WNT10B: variants seen among roughly 807,000 people sequenced by gnomAD.
The protein encoded by WNT10B is protein Wnt-10b.
In WNT10B, 26 loss-of-function variants were observed where a neutral mutation model predicts 32.7. That is an observed-to-expected ratio of 0.79 (90% CI 0.58 to 1.10). WNT10B has a LOEUF of 1.10. Among genes scored for constraint, WNT10B ranks in the 50% least tolerant of loss-of-function variants. The pLI, the probability that WNT10B is intolerant of heterozygous loss-of-function variation, is 0.00. For synonymous variants in WNT10B, 204 were observed against 220.4 expected, an observed-to-expected ratio of 0.93 and a Z score of 0.66; for missense variants, 474 against 532.5, an observed-to-expected ratio of 0.89 and a Z score of 1.08.
At chr12:48,967,761 G>A (rs936464469) in intron 4 of WNT10B, among the ~76,000 whole-genome samples, 185 bp downstream of exon 4, 9 of 152,158 alleles carry the variant, frequency 5.9e-5, no homozygotes, top group African/African-American at 2.2e-4. Flanking sequence ...TGCTAGCTCA[G>A]TCTTAATAAC....
Position 48,968,158 on chromosome 12 carries a change from G to A in WNT10B, c.499C>T (p.Leu167=). The A allele has an allele frequency of 6.2e-7, 1 of 1,614,228 alleles. No homozygotes were observed. Among genetic ancestry groups the A allele is most frequent in the Non-Finnish European group, 8.5e-7 (1 of 1,180,048 alleles). Residue 167 remains leucine, a synonymous_variant, in exon 4 of 5, where the codon CTG becomes TTG. Transcript: ENST00000301061. ...TGGGGGAAACTCTTGCCTCGGGACA[G>A]TGCCTGCAGCTGCAGCAGTTTGGCC... The part of the protein sequence containing the change: ...LRAKLLQLQA[L]SRGKSFPHSL...
intron 4 of WNT10B, among the ~76,000 whole-genome samples, chr12:48,966,894 C>A (rs970558601): frequency 1.3e-5 from 2 of 152,194 alleles, no homozygotes; most frequent in South Asian, 2.1e-4. Flanking sequence ...TGCCTAAATT[C>A]TGTAGGGAAG....
chr12:48,966,485 T>A lies in WNT10B; in HGVS notation c.780A>T (p.Thr260=). ...GGAACTCTGGGGCCGCCCTCCAGCA[T>A]GTCTTGAACTGGCAGCTGCCTGATG... The part of the protein sequence containing the change: ...HGTSGSCQFK[T]CWRAAPEFRA... Residue 260 remains threonine, a synonymous_variant, in exon 5 of 5, where the codon ACA becomes ACT. Transcript: ENST00000301061. 1 of 1,614,034 alleles carries A rather than the reference T, an allele frequency of 6.2e-7. No individual in the cohort carries two copies. Among genetic ancestry groups the A allele is most frequent in the Non-Finnish European group, 8.5e-7 (1 of 1,180,024 alleles).
At position 48,970,064 on chromosome 12, in the gene WNT10B, C is replaced by G. The variant is rs1940819232; in HGVS notation, c.337+25G>C. Reference sequence around the variant, plus strand: ...GCCCACCCCCTAGCCTCCGCGGCAGCGCCGACCCGCCCAGCCAGGCTCACC... The same window carrying G: ...GCCCACCCCCTAGCCTCCGCGGCAGGGCCGACCCGCCCAGCCAGGCTCACC... On this transcript the variant is annotated intron_variant, in intron 3 of 4. Coordinates refer to ENST00000301061, the MANE Select transcript of WNT10B (RefSeq NM_003394.4). The surrounding 1 kb of genome is among the most constrained non-coding windows in gnomAD (Gnocchi z 5.0). 6.7e-7 allele frequency: 1 copy of G among 1,488,008 alleles called. No individual in the cohort carries two copies. Among genetic ancestry groups the G allele is most frequent in the African/African-American group, 1.4e-5 (1 of 70,812 alleles). 92.2% of individuals were successfully genotyped at this position (1,488,008 alleles called of 1,614,324 possible).
chr12:48,966,619 G>C (rs1940739795), intron 4 of WNT10B, 66 bp from the exon 5 acceptor site: 1 of 1,567,870 alleles, frequency 6.4e-7, no homozygotes, highest in Admixed American at 1.7e-5. Flanking sequence ...AGAGGCACAG[G>C]AGAGGGAAGG....
chr12:48,966,629 G>C (rs1243888804), intron 4 of WNT10B, 76 bp from the exon 5 acceptor site: 2 of 1,540,838 alleles, frequency 1.3e-6, no homozygotes, highest in East Asian at 4.5e-5. Context: ...GAGAGGGAAG[G>C]GAACAGAGAA....
In WNT10B at chr12:48,968,078, T is replaced by C. The variant is rs1940773456; in HGVS notation, c.579A>G (p.Thr193=). 6 of 1,614,244 alleles carry C rather than the reference T, an allele frequency of 3.7e-6. No individual in the cohort carries two copies. The East Asian group carries it at 6.7e-5, about 18-fold the overall frequency. Residue 193 remains threonine, a synonymous_variant, in exon 4 of 5, where the codon ACA becomes ACG. Coordinates refer to ENST00000301061, the MANE Select transcript of WNT10B (RefSeq NM_003394.4). Reference sequence around the variant, plus strand: ...CATGGTTACAGCCACCCCATTCCCATGTGTCCTGGGGGCCAGGGCTGGGGC... The same window carrying C: ...CATGGTTACAGCCACCCCATTCCCACGTGTCCTGGGGGCCAGGGCTGGGGC... ...GSSPSPGPQD[T]WEWGGCNHDM...
chr12:48,969,340 C>T (rs1205589820), intron 3 of WNT10B, among the ~76,000 whole-genome samples: 1 of 152,218 alleles, frequency 6.6e-6, no homozygotes, highest in African/African-American at 2.4e-5. Context: ...GGGAATTCCC[C>T]TGCAGATGGC....
Position 48,968,113 on chromosome 12 carries a change from G to A in WNT10B, c.544C>T (p.Pro182Ser), listed in dbSNP as rs1940775709. 1 of 1,614,048 alleles carries A rather than the reference G, an allele frequency of 6.2e-7. No homozygotes were observed. The highest frequency in any genetic ancestry group is 1.1e-5 in the South Asian group (1 of 91,094). ...GGGCCAGGGCTGGGGCTTGAGCCAG[G>A]GCCAGGGCTGGGCAGAGAGTGGGGG... ...SFPHSLPSPG[P>S]GSSPSPGPQD... Residue 182 changes from proline to serine, a missense_variant, in exon 4 of 5, where the codon CCT (proline) becomes TCT (serine). Pro to Ser is a moderately conservative substitution (Grantham distance 74). Transcript: ENST00000301061.
At chr12:48,966,628 G>A in intron 4 of WNT10B, 75 bp from the exon 5 acceptor site, 1 of 1,544,696 alleles carries the variant, frequency 6.5e-7, no homozygotes, top group Non-Finnish European at 8.8e-7. Context: ...GGAGAGGGAA[G>A]GGAACAGAGA....
At position 48,967,999 on chromosome 12, in the gene WNT10B, G is replaced by A; in HGVS notation, c.658C>T (p.Pro220Ser). Reference protein sequence around the residue: ...SRDFLDSREAPRDIQARMRIH... With the variant: ...SRDFLDSREASRDIQARMRIH... ...CGCATTCGTGCCTGGATGTCCCGGG[G>A]AGCTTCCCTGGAATCCAAGAAATCC... is the stretch of plus-strand genomic sequence containing the variant. Residue 220 changes from proline (P) to serine (S), a missense_variant, in exon 4 of 5, where the codon CCC (proline) becomes TCC (serine). By Grantham distance (74) the Pro-to-Ser change is moderately conservative (BLOSUM62 -1). Coordinates refer to ENST00000301061, the MANE Select transcript of WNT10B (RefSeq NM_003394.4). The A allele has an allele frequency of 6.2e-7, 1 of 1,614,218 alleles. No homozygotes were observed. The highest frequency in any genetic ancestry group is 8.5e-7 in the Non-Finnish European group (1 of 1,180,032).
At chr12:48,967,731 C>T (rs1219666413) in intron 4 of WNT10B, among the ~76,000 whole-genome samples, 8 of 152,158 alleles carry the variant, frequency 5.3e-5, no homozygotes, top group Admixed American at 3.3e-4. Flanking sequence ...AAATTATAGG[C>T]GTGAGCCACC....
chr12:48,968,421 C>T, intron 3 of WNT10B, 102 bp from the exon 4 acceptor site: 1 of 1,532,326 alleles, frequency 6.5e-7, no homozygotes, highest in Non-Finnish European at 8.8e-7. Flanking sequence ...CCAGAAATTC[C>T]TAACTGAATC....
chr12:48,966,707 C>T (rs1940742012), intron 4 of WNT10B, among the ~76,000 whole-genome samples, 154 bp from the exon 5 acceptor site: 1 of 152,204 alleles, frequency 6.6e-6, no homozygotes, highest in Non-Finnish European at 1.5e-5. Context: ...TTGCAGTTAG[C>T]TAATAGCCAA....
chr12:48,967,732 G>C (rs551129886), intron 4 of WNT10B, among the ~76,000 whole-genome samples: 14 of 152,138 alleles, frequency 9.2e-5, no homozygotes, highest in African/African-American at 3.1e-4. Flanking sequence ...AATTATAGGC[G>C]TGAGCCACCA....
intron 4 of WNT10B, among the ~76,000 whole-genome samples, chr12:48,967,047 G>A (rs1940748781): frequency 6.6e-6 from 1 of 152,186 alleles, no homozygotes; most frequent in Non-Finnish European, 1.5e-5. Context: ...CTGGAGTGCA[G>A]TGGTGCCATC....
Position 48,970,209 on chromosome 12 carries a change from G to T in WNT10B, c.217C>A (p.Leu73Ile). 6.3e-7 allele frequency: 1 copy of T among 1,594,884 alleles called. No individual in the cohort carries two copies. Residue 73 changes from leucine (L) to isoleucine (I), a missense_variant, in exon 3 of 5, where the codon CTT becomes ATT. By Grantham distance (5) the Leu-to-Ile change is conservative. Transcript: ENST00000301061. The surrounding 1 kb of genome is among the most constrained non-coding windows in gnomAD (Gnocchi z 5.0). Reference sequence around the variant, plus strand: ...TGGACCGCGATGTGCAGACCCTGAAGCGCGGACGCCGTCACGTCGGGGTTG... The same window carrying T: ...TGGACCGCGATGTGCAGACCCTGAATCGCGGACGCCGTCACGTCGGGGTTG... ...LRNPDVTASALQGLHIAVHEC... is the reference protein window; with the variant it reads ...LRNPDVTASAIQGLHIAVHEC...
intron 3 of WNT10B, among the ~76,000 whole-genome samples, chr12:48,969,416 C>T (rs565618640): frequency 6.6e-6 from 1 of 152,318 alleles, no homozygotes; most frequent in East Asian, 1.9e-4. Context: ...CCCCATGGGT[C>T]TTTACACCTC....
intron 3 of WNT10B, chr12:48,969,285 C>G (rs1311687851): frequency 2.6e-6 from 1 of 381,070 alleles, no homozygotes; most frequent in Non-Finnish European, 5.3e-6. Flanking sequence ...CTTCTGATCC[C>G]CCTAACTCCA....
Sources: allele counts gnomAD v4.1 joint callset (sites outside exome capture counted in the v4.1 genomes callset), GRCh38; gene constraint gnomAD v4.1.1; non-coding constraint Gnocchi (gnomAD v3.1); transcripts MANE v1.5; gene names NCBI Gene and HGNC (gene_info 2026-07-23, HGNC 2026-07-21).